The following MEGF6 variants were observed in gnomAD, a reference collection of about 807,000 sequenced individuals.
MEGF6 encodes the protein multiple epidermal growth factor-like domains protein 6.
MEGF6 carries 184 observed loss-of-function variants against 207.1 expected under a neutral mutation model. That is an observed-to-expected ratio of 0.89 (90% CI 0.79 to 1.00). MEGF6 has a LOEUF of 1.00. Ranked by LOEUF, MEGF6 falls within the 50% of genes least tolerant of loss-of-function variation. The probability of loss-of-function intolerance (pLI) is 0.00; values close to 1 mark genes in which losing one functional copy is unlikely to be tolerated. For synonymous variants in MEGF6, 1,038 were observed against 910.0 expected (o/e 1.14, Z -2.53); for missense variants, 2,282 against 2,202.9 (o/e 1.04, Z -0.72).
At position 3,594,311 on chromosome 1, in the gene MEGF6, C is replaced by A. The variant is rs2101840196; in HGVS notation, c.376+1027G>T. 6.6e-6 allele frequency among the ~76,000 whole-genome samples: 1 copy of A among 152,302 alleles called. No individual in the cohort carries two copies. Among genetic ancestry groups the A allele is most frequent in the Non-Finnish European group, 1.5e-5 (1 of 68,018 alleles). ...AAGCGTGGTGGTGCACACCTACAGT[C>A]TCAGCCACTCGGGAGGCTGAGGTGG... On this transcript the variant is annotated intron_variant, in intron 3 of 36. Coordinates refer to ENST00000356575, the MANE Select transcript of MEGF6 (RefSeq NM_001409.4). The surrounding 1 kb of genome is among the most constrained non-coding windows in gnomAD (Gnocchi z 4.2).
intron 4 of MEGF6, among the ~76,000 whole-genome samples, chr1:3,563,666 G>A (rs1389205227): frequency 6.6e-6 from 1 of 152,234 alleles, no homozygotes; most frequent in Non-Finnish European, 1.5e-5. Flanking sequence ...TTTCTGCAGA[G>A]TCCCCCTCTG....
At chr1:3,548,572 G>A (rs1642789195) in intron 4 of MEGF6, among the ~76,000 whole-genome samples, 1 of 152,234 alleles carries the variant, frequency 6.6e-6, no homozygotes, top group Non-Finnish European at 1.5e-5. Context: ...AGACTGCCCT[G>A]GCAGGCAAGC....
intron 2 of MEGF6, 91 bp downstream of exon 2, chr1:3,602,375 G>A: frequency 6.4e-7 from 1 of 1,561,388 alleles, no homozygotes; most frequent in Non-Finnish European, 8.7e-7. Context: ...ACCAGGACGG[G>A]GTCCTGGCCT....
chr1:3,495,737 C>T (rs1640570779), intron 30 of MEGF6, among the ~76,000 whole-genome samples, 153 bp downstream of exon 30: 1 of 152,148 alleles, frequency 6.6e-6, no homozygotes, highest in Admixed American at 6.5e-5. Flanking sequence ...AGCTACAGCA[C>T]TCTCATCTCA....
In MEGF6 at chr1:3,500,670, C is replaced by G; in HGVS notation, c.2670G>C (p.Leu890=). ...GSCDAISGLC[L]CEAGYVGPRC... is the part of the protein sequence containing the mutation. ...GCGGGCCCACGTAGCCAGCCTCACA[C>G]AGACACAGGCCGCTGATGGCATCAC... Residue 890 remains leucine (L), a synonymous_variant, in exon 21 of 37, where the codon CTG becomes CTC. Transcript: ENST00000356575. 6.4e-7 allele frequency: 1 copy of G among 1,571,326 alleles called. No homozygotes were observed. The highest frequency in any genetic ancestry group is 8.6e-7 in the Non-Finnish European group (1 of 1,158,504).
In MEGF6 at chr1:3,500,745, C is replaced by T; in HGVS notation, c.2595G>A (p.Trp865Ter). Residue 865 changes from tryptophan (W) to a stop codon, truncating the protein, a stop_gained, in exon 21 of 37, where the codon TGG (tryptophan) becomes TGA (stop). Transcript: ENST00000356575. LOFTEE classifies it high-confidence loss of function. Reference sequence around the variant, plus strand: ...TGCAGGGGTGGCTGCAGTCAGGTCCCCAGTGCCCAGTATCACAGGCTGCAA... The same window carrying T: ...TGCAGGGGTGGCTGCAGTCAGGTCCTCAGTGCCCAGTATCACAGGCTGCAA... Reference protein sequence around the residue: ...SCQRACDTGHWGPDCSHPCNC... With the variant: ...SCQRACDTGH 6.2e-7 allele frequency: 1 copy of T among 1,603,930 alleles called. No individual in the cohort carries two copies. The highest frequency in any genetic ancestry group is 8.5e-7 in the Non-Finnish European group (1 of 1,175,944).
chr1:3,563,767 A>G (rs1207414096), intron 4 of MEGF6, among the ~76,000 whole-genome samples: 2 of 152,160 alleles, frequency 1.3e-5, no homozygotes, highest in African/African-American at 4.8e-5. Flanking sequence ...TCCTGCTCCC[A>G]TTCTACAGAT....
chr1:3,593,349 G>C (rs79595966), intron 3 of MEGF6, among the ~76,000 whole-genome samples: 2 of 152,230 alleles, frequency 1.3e-5, no homozygotes, highest in South Asian at 4.1e-4. Flanking sequence ...AGCCCAGCTC[G>C]GGGCTCGGAG....
chr1:3,585,079 TGTGA>T (rs1206808172), intron 3 of MEGF6, among the ~76,000 whole-genome samples: 8 of 144,624 alleles, frequency 5.5e-5, no homozygotes, highest in East Asian at 4.8e-4. Context: ...TATGTGTGAG[TGTGA>T]GTGAGGACAC....
intron 30 of MEGF6, among the ~76,000 whole-genome samples, chr1:3,495,319 G>T (rs551570277): frequency 3.9e-4 from 59 of 152,262 alleles, no homozygotes; most frequent in African/African-American, 1.3e-3. Context: ...GAACTGCTGT[G>T]GGGGCAGCCA....
chr1:3,611,103 C>G, intron 1 of MEGF6, 35 bp downstream of exon 1: 1 of 1,451,386 alleles, frequency 6.9e-7, no homozygotes, highest in Non-Finnish European at 9.0e-7. Flanking sequence ...GGTCCCTGGA[C>G]GACCGGCCGA....
chr1:3,492,016 A>G (rs1048225865), intron 35 of MEGF6, among the ~76,000 whole-genome samples: 1 of 151,914 alleles, frequency 6.6e-6, no homozygotes, highest in Non-Finnish European at 1.5e-5. Context: ...TCACACACTG[A>G]TGCACACGTA....
chr1:3,605,318 G>A (rs1644228462), intron 1 of MEGF6, among the ~76,000 whole-genome samples: 1 of 151,444 alleles, frequency 6.6e-6, no homozygotes, highest in Non-Finnish European at 1.5e-5. Flanking sequence ...ACATTCATAT[G>A]CATGCTTACA....
At chr1:3,500,515 T>A in intron 21 of MEGF6, 118 bp downstream of exon 21, 1 of 1,397,746 alleles carries the variant, frequency 7.2e-7, no homozygotes, top group East Asian at 2.5e-5. Context: ...GGCCAAAGGC[T>A]TCGTGTGTGT....
chr1:3,491,975 A>C (rs1640390982), intron 35 of MEGF6, among the ~76,000 whole-genome samples: 1 of 151,806 alleles, frequency 6.6e-6, no homozygotes, highest in Non-Finnish European at 1.5e-5. Context: ...CCGCACATGC[A>C]TGCACTATTG....
chr1:3,498,920 T>C, intron 24 of MEGF6, 94 bp from the exon 25 acceptor site: 1 of 1,487,332 alleles, frequency 6.7e-7, no homozygotes, highest in Non-Finnish European at 9.0e-7. Context: ...GACTTTGGGG[T>C]CAGGCACCTT....
chr1:3,582,634 A>T (rs977650424), intron 3 of MEGF6, among the ~76,000 whole-genome samples: 2 of 152,038 alleles, frequency 1.3e-5, no homozygotes, highest in African/African-American at 4.8e-5. Context: ...CTTTCCATTG[A>T]CTTGGCACAA....
In MEGF6 at chr1:3,583,321, C is replaced by CGCGCAG. The variant is rs1192968197; in HGVS notation, c.377-3393_377-3392insCTGCGC. ...CAGACAACGCGCAGCCACCAGACAA[C>CGCGCAG]CCACAGCCACCAGACAACGCGCAGC... On this transcript the variant is annotated intron_variant, in intron 3 of 36. Transcript: ENST00000356575. 7.3e-5 allele frequency among the ~76,000 whole-genome samples: 10 copies of CGCGCAG among 137,276 alleles called. 2 individuals carry two copies. Among genetic ancestry groups the CGCGCAG allele is most frequent in the African/African-American group, 3.6e-4 (10 of 28,052 alleles). The allele number at this position is 137,276 out of a possible 152,430, so 90.1% of individuals were successfully genotyped here.
At chr1:3,609,294 G>A (rs1557434154) in intron 1 of MEGF6, among the ~76,000 whole-genome samples, 1 of 152,324 alleles carries the variant, frequency 6.6e-6, no homozygotes. Flanking sequence ...CCACAGCCCA[G>A]TGGGGACCTC....
Sources: allele counts gnomAD v4.1 joint callset (sites outside exome capture counted in the v4.1 genomes callset), GRCh38; gene constraint gnomAD v4.1.1; non-coding constraint Gnocchi (gnomAD v3.1); transcripts MANE v1.5; gene names NCBI Gene and HGNC (gene_info 2026-07-23, HGNC 2026-07-21).